CNBP: variants seen among roughly 807,000 people sequenced by gnomAD.
CNBP encodes CCHC-type zinc finger nucleic acid binding protein.
CNBP carries 6 observed loss-of-function variants against 21.2 expected under a neutral mutation model. The ratio of observed to expected loss-of-function variants is 0.28; its 90% CI spans 0.16 to 0.56. The LOEUF (loss-of-function observed/expected upper bound fraction) is 0.56. Ranked by LOEUF, CNBP falls within the 20% of genes least tolerant of loss-of-function variation. CNBP has a pLI of 0.93. For missense variants in CNBP, 112 were observed against 233.1 expected, an observed-to-expected ratio of 0.48 and a Z score of 3.38; for synonymous variants, 61 against 74.9, an observed-to-expected ratio of 0.81 and a Z score of 0.96.
intron 1 of CNBP, among the ~76,000 whole-genome samples, chr3:129,181,096 CG>C (rs1330818611): frequency 6.7e-6 from 1 of 150,084 alleles, no homozygotes; most frequent in African/African-American, 2.5e-5. Flanking sequence ...AAAAATTAGC[CG>C]GGCGTGGTGG....
chr3:129,168,730 G>A lies in CNBP; in HGVS notation c.*1723C>T, dbSNP rs1209167693. ...TAACACTAGCACTTTGGGGGGCGGGGCAGGTGGATCACCTGAGGTCAGGAG... is the reference window on the plus strand; with the variant it reads ...TAACACTAGCACTTTGGGGGGCGGGACAGGTGGATCACCTGAGGTCAGGAG... On this transcript the variant is annotated 3_prime_UTR_variant, in exon 5 of 5. Coordinates refer to ENST00000422453, the MANE Select transcript of CNBP (RefSeq NM_003418.5). Among the ~76,000 whole-genome samples the A allele has an allele frequency of 4.0e-5, 6 of 151,208 alleles. No individual in the cohort carries two copies. Among genetic ancestry groups the A allele is most frequent in the African/African-American group, 1.2e-4 (5 of 41,114 alleles).
rs1167575619 is a variant in CNBP, at chr3:129,172,691, G to GAC, written c.-14-922_-14-921dup. The stretch of plus-strand genomic sequence containing the variant: ...AGACAGACAGACAGACAGACAGACA[G>GAC]ACAGACACACACACACACACACACA... On this transcript the variant is annotated intron_variant, in intron 1 of 4. Coordinates refer to ENST00000422453, the MANE Select transcript of CNBP (RefSeq NM_003418.5). Among the ~76,000 whole-genome samples the GAC allele has an allele frequency of 2.0e-3, 146 of 74,534 alleles. 2 individuals carry two copies. The highest frequency in any genetic ancestry group is 0.011 in the Middle Eastern group (2 of 174). 48.9% of individuals were successfully genotyped at this position (74,534 alleles called of 152,430 possible).
intron 1 of CNBP, among the ~76,000 whole-genome samples, chr3:129,175,612 T>C (rs1290138422): frequency 6.6e-6 from 1 of 151,946 alleles, no homozygotes; most frequent in African/African-American, 2.4e-5. Context: ...TGTATTTTAG[T>C]AGAGACGGGG....
At chr3:129,172,676 A>AGCCAGGCAGGCAGGCAGGCAGG (rs1937627573) in intron 1 of CNBP, among the ~76,000 whole-genome samples, 1 of 116,826 alleles carries the variant, frequency 8.6e-6, no homozygotes, top group Admixed American at 9.3e-5. Flanking sequence ...AGACAGACAG[A>AGCCAGGCAGGCAGGCAGGCAGG]CAGACAGACA....
In CNBP at chr3:129,175,257, G is replaced by C. The variant is rs186747781; in HGVS notation, c.-14-3486C>G. 2.2e-3 allele frequency among the ~76,000 whole-genome samples: 327 copies of C among 151,892 alleles called. 1 individual carries two copies. The highest frequency in any genetic ancestry group is 7.5e-3 in the African/African-American group (311 of 41,448). ...GAGAATCGCTTGAACCCGGGAGGTG[G>C]AGGTTGCAGTGAGCTGAGACTGGGC... On this transcript the variant is annotated intron_variant, in intron 1 of 4. Coordinates refer to ENST00000422453, the MANE Select transcript of CNBP (RefSeq NM_003418.5).
At position 129,171,249 on chromosome 3, in the gene CNBP, G is replaced by A. The variant is rs1387893206; in HGVS notation, c.246C>T (p.His82=). 1.2e-6 allele frequency: 2 copies of A among 1,614,234 alleles called. No homozygotes were observed. The highest frequency in any genetic ancestry group is 2.2e-5 in the South Asian group (2 of 91,086). Residue 82 remains histidine, a synonymous_variant, in exon 4 of 5, where the codon CAC becomes CAT. Transcript: ENST00000422453. ...TGGGCTCCTTGCAGTCCTTGGCAAT[G>A]TGGCCACCTCTACCGCAGTTATAGC... The part of the protein sequence containing the change: ...DACYNCGRGG[H]IAKDCKEPKR...
intron 1 of CNBP, among the ~76,000 whole-genome samples, chr3:129,181,599 G>A (rs1456079722): frequency 1.6e-5 from 2 of 123,120 alleles, no homozygotes; most frequent in South Asian, 2.7e-4. Context: ...GCAGTGAGCC[G>A]AGATCGCGCC....
At position 129,172,600 on chromosome 3, in the gene CNBP, GCAGGCAGA is replaced by G. The variant is rs55999291; in HGVS notation, c.-14-837_-14-830del. On this transcript the variant is annotated intron_variant, in intron 1 of 4. Coordinates refer to ENST00000422453, the MANE Select transcript of CNBP (RefSeq NM_003418.5). ...GACAGGCAGGCAGGCAGGCAGGCAG[GCAGGCAGA>G]CAGGCAGACAGGCAGCCAGGCAGGC... 0.3 allele frequency among the ~76,000 whole-genome samples: 14,935 copies of G among 49,728 alleles called. 3,760 individuals carry two copies. Among genetic ancestry groups the G allele is most frequent in the Non-Finnish European group, 0.41 (7,910 of 19,174 alleles). 32.6% of individuals were successfully genotyped at this position (49,728 alleles called of 152,430 possible).
chr3:129,172,794 T>TA (rs1401639530), intron 1 of CNBP, among the ~76,000 whole-genome samples: 1 of 152,030 alleles, frequency 6.6e-6, no homozygotes, highest in Non-Finnish European at 1.5e-5. Context: ...TGCATGGTTA[T>TA]AAGGCCTATA....
chr3:129,168,962 C>T lies in CNBP; in HGVS notation c.*1491G>A, dbSNP rs925853803. Among the ~76,000 whole-genome samples, 27 of 150,234 alleles carry T rather than the reference C, an allele frequency of 1.8e-4. No individual in the cohort carries two copies. The highest frequency in any genetic ancestry group is 6.4e-4 in the African/African-American group (26 of 40,874). On this transcript the variant is annotated 3_prime_UTR_variant, in exon 5 of 5. Transcript: ENST00000422453. ...ATACAAAAAAAAAAAATTAGCTGGGCGCGGTGGCGGGTACCTGTAGCCCCA... is the reference window on the plus strand; with the variant it reads ...ATACAAAAAAAAAAAATTAGCTGGGTGCGGTGGCGGGTACCTGTAGCCCCA...
rs369504917 is a variant in CNBP at position 129,169,568 on chromosome 3, T to C, written c.*885A>G. 1 of 207,436 alleles carries C rather than the reference T, an allele frequency of 4.8e-6. No homozygotes were observed. The highest frequency in any genetic ancestry group is 2.3e-5 in the African/African-American group (1 of 43,880). The allele number at this position is 207,436 out of a possible 1,614,324, so 12.8% of individuals were successfully genotyped here. ...AATTTGAAACAAACAAAAAGAACTT[T>C]AGTCAAACTCCCCTTCCTCCTCCAG... On this transcript the variant is annotated 3_prime_UTR_variant, in exon 5 of 5. Transcript: ENST00000422453.
chr3:129,174,349 TAAAAAAAA>T (rs56752888), intron 1 of CNBP, among the ~76,000 whole-genome samples: 3 of 63,152 alleles, frequency 4.8e-5, no homozygotes, highest in Admixed American at 2.4e-4. Flanking sequence ...GAGTCAGAAT[TAAAAAAAA>T]AAAAAAAAAA....
chr3:129,172,646 AGGC>A (rs1937617818), intron 1 of CNBP, among the ~76,000 whole-genome samples: 2 of 109,836 alleles, frequency 1.8e-5, no homozygotes, highest in Admixed American at 1.8e-4. Flanking sequence ...GCAGGCAGGC[AGGC>A]AGGCAGGCAG....
intron 1 of CNBP, among the ~76,000 whole-genome samples, chr3:129,172,637 CAGG>C (rs1237129463): frequency 1.6e-4 from 7 of 44,672 alleles, no homozygotes; most frequent in African/African-American, 3.6e-4. Context: ...GGCAGGCAGG[CAGG>C]CAGGCAGGCA....
chr3:129,168,767 C>A lies in CNBP; in HGVS notation c.*1686G>T, dbSNP rs1937513654. Among the ~76,000 whole-genome samples the A allele has an allele frequency of 6.6e-6, 1 of 151,864 alleles. No individual in the cohort carries two copies. The highest frequency in any genetic ancestry group is 1.5e-5 in the Non-Finnish European group (1 of 67,976). On this transcript the variant is annotated 3_prime_UTR_variant, in exon 5 of 5. Coordinates refer to ENST00000422453, the MANE Select transcript of CNBP (RefSeq NM_003418.5). ...CCTGAGGTCAGGAGTTGGAGACCAG[C>A]CCGACCAACATGATGAAACCCAGTC... is the stretch of plus-strand genomic sequence containing the variant.
At chr3:129,177,829 G>C (rs1576921163) in intron 1 of CNBP, among the ~76,000 whole-genome samples, 1 of 152,284 alleles carries the variant, frequency 6.6e-6, no homozygotes, top group South Asian at 2.1e-4. Context: ...GGAGCACAGG[G>C]CATGTCAGGC....
rs114097371 is a variant in CNBP at position 129,169,989 on chromosome 3, T to C, written c.*464A>G. ...TACTCCCACTCAACTGTATGTTCTA[T>C]GTAGGGCCTGATACAGATGTTACTT... On this transcript the variant is annotated 3_prime_UTR_variant, in exon 5 of 5. Transcript: ENST00000422453. The C allele has an allele frequency of 2.7e-3, 653 of 237,582 alleles. 3 individuals are homozygous for C. The highest frequency in any genetic ancestry group is 4.1e-3 in the Non-Finnish European group (492 of 119,758). 14.7% of individuals were successfully genotyped at this position (237,582 alleles called of 1,614,324 possible).
chr3:129,170,072 T>TA lies in CNBP; in HGVS notation c.*380dup, dbSNP rs1937541018. 3.0e-5 allele frequency: 8 copies of TA among 263,438 alleles called. 1 individual carries two copies. The highest frequency in any genetic ancestry group is 4.5e-5 in the Non-Finnish European group (6 of 134,732). The allele number at this position is 263,438 out of a possible 1,614,324, so 16.3% of individuals were successfully genotyped here. ...TCCAAGACCATCATTATACTAAAAT[T>TA]AAAGTTATTTATGGAAGTTCATAGA... On this transcript the variant is annotated 3_prime_UTR_variant, in exon 5 of 5. Coordinates refer to ENST00000422453, the MANE Select transcript of CNBP (RefSeq NM_003418.5).
At position 129,170,482 on chromosome 3, in the gene CNBP, G is replaced by T. The variant is rs190320743; in HGVS notation, c.505C>A (p.Arg169=). The T allele has an allele frequency of 1.2e-6, 2 of 1,614,142 alleles. No homozygotes were observed. The highest frequency in any genetic ancestry group is 2.2e-5 in the East Asian group (1 of 44,892). Residue 169 remains arginine, a synonymous_variant, in exon 5 of 5, where the codon CGG becomes AGG. Coordinates refer to ENST00000422453, the MANE Select transcript of CNBP (RefSeq NM_003418.5). Reference sequence around the variant, plus strand: ...GCTGTAGCCTCAATTGTGCATTCCCGTGCAAGGTGCCCTGACTCGCCACAG... The same window carrying T: ...GCTGTAGCCTCAATTGTGCATTCCCTTGCAAGGTGCCCTGACTCGCCACAG... ...YRCGESGHLA[R]ECTIEATA
Sources: allele counts gnomAD v4.1 joint callset (sites outside exome capture counted in the v4.1 genomes callset), GRCh38; gene constraint gnomAD v4.1.1; transcripts MANE v1.5; gene names NCBI Gene and HGNC (gene_info 2026-07-23, HGNC 2026-07-21).